The following NTM variants were observed in gnomAD, a reference collection of about 807,000 sequenced individuals.
NTM encodes the protein neurotrimin, also known as IgLON family member 2.
A neutral mutation model predicts 42.1 loss-of-function variants in NTM; 13 were observed. The ratio of observed to expected loss-of-function variants is 0.31; its 90% CI spans 0.20 to 0.49. NTM has a LOEUF of 0.49. Ranked by LOEUF, NTM falls within the 20% of genes least tolerant of loss-of-function variation. The pLI, the probability that NTM is intolerant of heterozygous loss-of-function variation, is 0.99. For synonymous variants in NTM, 187 were observed against 179.2 expected, an observed-to-expected ratio of 1.04 and a Z score of -0.35; for missense variants, 373 against 452.8, an observed-to-expected ratio of 0.82 and a Z score of 1.60.
chr11:131,794,172 T>G (rs1162243946), intron 1 of NTM, among the ~76,000 whole-genome samples: 7 of 152,124 alleles, frequency 4.6e-5, no homozygotes, highest in Non-Finnish European at 8.8e-5. Context: ...TGATCCTCCT[T>G]GACACCACCT....
chr11:132,022,216 A>T (rs1235798381), intron 2 of NTM, among the ~76,000 whole-genome samples: 1 of 152,212 alleles, frequency 6.6e-6, no homozygotes, highest in Non-Finnish European at 1.5e-5. Flanking sequence ...CGAAGTTCAG[A>T]AGTTTCACAA....
intron 4 of NTM, among the ~76,000 whole-genome samples, chr11:132,298,576 A>G (rs1287053647): frequency 1.3e-5 from 2 of 152,292 alleles, no homozygotes; most frequent in African/African-American, 4.8e-5. Context: ...TCATGTTGTT[A>G]TGGGAAGGGA....
chr11:132,268,744 A>G (rs1195582356), intron 4 of NTM, among the ~76,000 whole-genome samples: 2 of 151,064 alleles, frequency 1.3e-5, no homozygotes, highest in African/African-American at 2.4e-5. Flanking sequence ...ATTATTTTTA[A>G]AGATAGGTCT....
rs117082246 is a variant in NTM, at chr11:131,794,064, G to C, written c.83-117500G>C. ...ATATTTGCTAGGTGTAATCACTTCAGACTACTGAACTCATGGACGGTTCTC... is the reference window on the plus strand; with the variant it reads ...ATATTTGCTAGGTGTAATCACTTCACACTACTGAACTCATGGACGGTTCTC... On this transcript the variant is annotated intron_variant, in intron 1 of 8. Transcript: ENST00000683400. Among the ~76,000 whole-genome samples the C allele has an allele frequency of 2.6e-3, 396 of 152,340 alleles. 4 individuals are homozygous for C. The highest frequency in any genetic ancestry group is 6.8e-3 in the South Asian group (33 of 4,826).
intron 1 of NTM, among the ~76,000 whole-genome samples, chr11:131,371,876 G>A (rs984148448): frequency 2.6e-5 from 4 of 152,190 alleles, no homozygotes; most frequent in Non-Finnish European, 5.9e-5. Flanking sequence ...CTTTCCCAGG[G>A]TGGCCCAGCA....
At position 132,318,245 on chromosome 11, in the gene NTM, G is replaced by C. The variant is rs547095768; in HGVS notation, c.934+3542G>C. On this transcript the variant is annotated intron_variant, in intron 7 of 8. Transcript: ENST00000683400. The stretch of plus-strand genomic sequence containing the variant: ...TGACGTCCAGTAGCTCTTTGGTCTT[G>C]GGTGACTCACTAAGCCTCATTTAGA... 3.1e-4 allele frequency among the ~76,000 whole-genome samples: 47 copies of C among 152,276 alleles called. No individual in the cohort carries two copies. The South Asian group carries it at 9.5e-3, about 31-fold the overall frequency.
chr11:131,649,775 T>C (rs915429907), intron 1 of NTM, among the ~76,000 whole-genome samples: 5 of 152,112 alleles, frequency 3.3e-5, no homozygotes, highest in African/African-American at 1.2e-4. Flanking sequence ...GAATAACCAA[T>C]AATTTTGTGC....
chr11:132,293,592 G>A (rs1223257067), intron 4 of NTM, among the ~76,000 whole-genome samples: 7 of 152,148 alleles, frequency 4.6e-5, no homozygotes, highest in East Asian at 3.9e-4. Context: ...GGAGATTTAC[G>A]CGTCTACAGG....
chr11:131,808,528 A>G (rs928839801), intron 1 of NTM, among the ~76,000 whole-genome samples: 2 of 152,200 alleles, frequency 1.3e-5, no homozygotes, highest in African/African-American at 2.4e-5. Context: ...AATAAGTTCA[A>G]TCAAAATTTA....
rs985997873 is a variant in NTM, at chr11:131,656,668, G to A, written c.83-254896G>A. ...GACAAAGGAGGAGGGCGGGGCATAAGAGCTGGGGAGGAGGAGGAAGGGGCA... is the reference window on the plus strand; with the variant it reads ...GACAAAGGAGGAGGGCGGGGCATAAAAGCTGGGGAGGAGGAGGAAGGGGCA... On this transcript the variant is annotated intron_variant, in intron 1 of 8. Coordinates refer to ENST00000683400, the MANE Select transcript of NTM (RefSeq NM_001352005.2). 3.3e-5 allele frequency among the ~76,000 whole-genome samples: 5 copies of A among 152,194 alleles called. No individual in the cohort carries two copies. The South Asian group carries it at 6.2e-4, about 19-fold the overall frequency.
intron 1 of NTM, among the ~76,000 whole-genome samples, chr11:131,836,393 A>G (rs2136614354): frequency 6.6e-6 from 1 of 152,324 alleles, no homozygotes; most frequent in South Asian, 2.1e-4. Context: ...GGAATGAATT[A>G]AAAGATTTGC....
At chr11:132,099,663 A>G (rs1486818789) in intron 2 of NTM, among the ~76,000 whole-genome samples, 1 of 152,208 alleles carries the variant, frequency 6.6e-6, no homozygotes, top group Non-Finnish European at 1.5e-5. Context: ...CTGCCACTGC[A>G]GGACAGCTCC....
intron 2 of NTM, among the ~76,000 whole-genome samples, chr11:131,958,449 A>T (rs1593183972): frequency 6.6e-6 from 1 of 152,174 alleles, no homozygotes; most frequent in Non-Finnish European, 1.5e-5. Context: ...GAACTTCCCT[A>T]TATAACTGTA....
intron 2 of NTM, among the ~76,000 whole-genome samples, chr11:131,953,569 T>G (rs973997922): frequency 6.6e-6 from 1 of 152,070 alleles, no homozygotes; most frequent in Non-Finnish European, 1.5e-5. Context: ...AGGAGGGAGC[T>G]TTTTCTAGGC....
chr11:131,919,754 A>G (rs2056950707), intron 2 of NTM, among the ~76,000 whole-genome samples: 1 of 119,392 alleles, frequency 8.4e-6, no homozygotes, highest in Admixed American at 8.5e-5. Context: ...ATATATGTAC[A>G]TATGCATGTG....
At chr11:131,377,111 G>C (rs1942075223) in intron 1 of NTM, among the ~76,000 whole-genome samples, 2 of 152,150 alleles carry the variant, frequency 1.3e-5, no homozygotes, top group African/African-American at 4.8e-5. Context: ...TGGATGGCAG[G>C]GAAGTAACCA....
chr11:131,810,806 T>A (rs1279513067), intron 1 of NTM, among the ~76,000 whole-genome samples: 1 of 152,092 alleles, frequency 6.6e-6, no homozygotes. Flanking sequence ...GTCAGCTCAG[T>A]GGAGTATTGA....
At chr11:131,844,659 G>A (rs889920508) in intron 1 of NTM, among the ~76,000 whole-genome samples, 1 of 151,898 alleles carries the variant, frequency 6.6e-6, no homozygotes, top group Admixed American at 6.6e-5. Flanking sequence ...ATAGAGTTTT[G>A]TAATTTTTGC....
At chr11:131,411,704 C>T (rs1029095045) in intron 1 of NTM, among the ~76,000 whole-genome samples, 1 of 151,982 alleles carries the variant, frequency 6.6e-6, no homozygotes, top group Non-Finnish European at 1.5e-5. Flanking sequence ...AGGAAACCCC[C>T]GGTGTCCCCA....
Sources: allele counts gnomAD v4.1 joint callset (sites outside exome capture counted in the v4.1 genomes callset), GRCh38; gene constraint gnomAD v4.1.1; transcripts MANE v1.5; gene names NCBI Gene and HGNC (gene_info 2026-07-23, HGNC 2026-07-21).